LRBA: variants seen among roughly 807,000 people sequenced by gnomAD.
The protein encoded by LRBA is lipopolysaccharide-responsive and beige-like anchor protein.
LRBA carries 176 observed loss-of-function variants against 330.0 expected under a neutral mutation model. The ratio of observed to expected loss-of-function variants is 0.53; its 90% confidence interval spans 0.47 to 0.60. The LOEUF is 0.60. Ranked by LOEUF, LRBA falls within the 20% of genes least tolerant of loss-of-function variation. The pLI is 0.00. For synonymous variants in LRBA, 1,230 were observed against 1,193.0 expected (o/e 1.03, Z -0.64); for missense variants, 3,259 against 3,444.8 (o/e 0.95, Z 1.35).
chr4:150,871,440 C>T lies in LRBA; in HGVS notation c.2272G>A (p.Val758Ile). The stretch of plus-strand genomic sequence containing the variant: ...GAAAACAATCCATGTCCAAGCATGA[C>T]TTCTGCTTTCCTCCTGCAATTACAC... ...KHLAPKRKAEVMLGHGLFSLL... is the reference protein window; with the variant it reads ...KHLAPKRKAEIMLGHGLFSLL... The change falls in exon 19 of 57, where the codon GTC becomes ATC. Residue 758 changes from valine (V) to isoleucine (I), a missense_variant. Transcript: ENST00000651943. 6.2e-7 allele frequency: 1 copy of T among 1,605,570 alleles called. No homozygotes were observed. The highest frequency in any genetic ancestry group is 8.5e-7 in the Non-Finnish European group (1 of 1,172,712).
At chr4:150,995,948 T>C (rs547876985) in intron 2 of LRBA, among the ~76,000 whole-genome samples, 11 of 151,866 alleles carry the variant, frequency 7.2e-5, no homozygotes, top group Admixed American at 5.9e-4. Context: ...TTCTATGAAG[T>C]AGGGAGAGTC....
At position 150,321,438 on chromosome 4, in the gene LRBA, G is replaced by T; in HGVS notation, c.7453-70C>A. Reference sequence around the variant, plus strand: ...AGACAAGAAGGAAAAGATGAAGAAAGACAAGAAAGAGAGGGGGTGCAGGAA... The same window carrying T: ...AGACAAGAAGGAAAAGATGAAGAAATACAAGAAAGAGAGGGGGTGCAGGAA... On this transcript the variant is annotated intron_variant, in intron 49 of 56. Coordinates refer to ENST00000651943, the MANE Select transcript of LRBA (RefSeq NM_001364905.1). The surrounding 1 kb of genome is among the most constrained non-coding windows in gnomAD (Gnocchi z 4.5). 1 of 1,337,990 alleles carries T rather than the reference G, an allele frequency of 7.5e-7. No individual in the cohort carries two copies. Among genetic ancestry groups the T allele is most frequent in the Non-Finnish European group, 1.0e-6 (1 of 993,834 alleles). The allele number at this position is 1,337,990 out of a possible 1,614,324, so 82.9% of individuals were successfully genotyped here.
At chr4:150,577,109 C>A (rs1443751760) in intron 40 of LRBA, among the ~76,000 whole-genome samples, 1 of 151,838 alleles carries the variant, frequency 6.6e-6, no homozygotes, top group Non-Finnish European at 1.5e-5. Context: ...AGCTTAGAAA[C>A]AATCTCCTTA....
intron 40 of LRBA, among the ~76,000 whole-genome samples, chr4:150,495,827 T>C (rs1759522904): frequency 1.3e-5 from 2 of 152,206 alleles, no homozygotes; most frequent in African/African-American, 2.4e-5. Context: ...TCAGTTGCCA[T>C]AGAAACCATA....
intron 34 of LRBA, among the ~76,000 whole-genome samples, chr4:150,763,184 A>G (rs1016846619): frequency 2.0e-5 from 3 of 152,064 alleles, no homozygotes; most frequent in African/African-American, 7.2e-5. Flanking sequence ...TAGAACTAGC[A>G]GAGAAGAAAA....
At chr4:150,758,229 G>T (rs1734578560) in intron 35 of LRBA, among the ~76,000 whole-genome samples, 1 of 152,162 alleles carries the variant, frequency 6.6e-6, no homozygotes, top group African/African-American at 2.4e-5. Context: ...CTTTGGCTTG[G>T]AGAAAGACAT....
At chr4:150,777,972 CAAAAAAAAA>C (rs57988391) in intron 34 of LRBA, among the ~76,000 whole-genome samples, 15 of 65,652 alleles carry the variant, frequency 2.3e-4, no homozygotes, top group African/African-American at 8.2e-4. Context: ...GACTCTGTTT[CAAAAAAAAA>C]AAAAAAAAAA....
At chr4:150,843,178 A>G (rs1749357393) in intron 28 of LRBA, among the ~76,000 whole-genome samples, 1 of 152,166 alleles carries the variant, frequency 6.6e-6, no homozygotes, top group South Asian at 2.1e-4. Context: ...AAGAGCATCC[A>G]GTATCATGTT....
At chr4:150,428,131 T>G (rs1228701915) in intron 46 of LRBA, among the ~76,000 whole-genome samples, 3 of 152,016 alleles carry the variant, frequency 2.0e-5, no homozygotes, top group African/African-American at 7.2e-5. Context: ...TGAGTTCATA[T>G]AATATTACTG....
At chr4:150,658,190 T>C (rs1035299183) in intron 37 of LRBA, among the ~76,000 whole-genome samples, 18 of 47,782 alleles carry the variant, frequency 3.8e-4, no homozygotes, top group Non-Finnish European at 1.6e-3. Flanking sequence ...AGTTTGAAAA[T>C]AGATTCCCCC....
rs559238176 is a variant in LRBA at position 150,762,189 on chromosome 4, A to G, written c.5581-342T>C. 2.0e-5 allele frequency among the ~76,000 whole-genome samples: 3 copies of G among 152,052 alleles called. No homozygotes were observed. The East Asian group carries it at 5.8e-4, about 29-fold the overall frequency. ...ATTTTGGTTTTGGCTTTGTTTTTCC[A>G]TTTATTTTAAGATGTATTACCCAAA... On this transcript the variant is annotated intron_variant, in intron 34 of 56. Transcript: ENST00000651943.
At chr4:150,619,214 A>G (rs1776069145) in intron 37 of LRBA, among the ~76,000 whole-genome samples, 1 of 152,186 alleles carries the variant, frequency 6.6e-6, no homozygotes, top group Admixed American at 6.5e-5. Context: ...AAGGAAAATG[A>G]AAGTATTTGC....
At chr4:150,873,928 T>C (rs1239044063) in intron 17 of LRBA, among the ~76,000 whole-genome samples, 2 of 152,168 alleles carry the variant, frequency 1.3e-5, no homozygotes, top group African/African-American at 4.8e-5. Context: ...CCATATCACA[T>C]TGTAACTGCA....
chr4:150,437,454 T>C (rs893303252), intron 44 of LRBA, among the ~76,000 whole-genome samples: 1 of 150,460 alleles, frequency 6.6e-6, no homozygotes, highest in African/African-American at 2.4e-5. Flanking sequence ...TATATATGTA[T>C]ATACTTTAAC....
chr4:150,602,666 C>G (rs1774239875), intron 37 of LRBA, among the ~76,000 whole-genome samples: 1 of 152,108 alleles, frequency 6.6e-6, no homozygotes, highest in South Asian at 2.1e-4. Context: ...ACTTTCTTCA[C>G]TCTCATTTAA....
At chr4:150,421,652 C>T (rs1039522795) in intron 46 of LRBA, among the ~76,000 whole-genome samples, 3 of 152,032 alleles carry the variant, frequency 2.0e-5, no homozygotes. Context: ...TCTCCATAGC[C>T]CTTGATTCCT....
chr4:150,690,459 C>A (rs368952432), intron 36 of LRBA, among the ~76,000 whole-genome samples: 2 of 148,448 alleles, frequency 1.3e-5, no homozygotes, highest in East Asian at 4.0e-4. Context: ...GCCGAGATCA[C>A]GCCACTGCAC....
intron 40 of LRBA, among the ~76,000 whole-genome samples, chr4:150,497,473 A>G (rs1166244627): frequency 6.6e-6 from 1 of 152,184 alleles, no homozygotes; most frequent in Non-Finnish European, 1.5e-5. Context: ...AACAAAAATG[A>G]AAGTCATACA....
At chr4:150,745,871 T>C (rs1469725997) in intron 35 of LRBA, among the ~76,000 whole-genome samples, 1 of 152,210 alleles carries the variant, frequency 6.6e-6, no homozygotes, top group Non-Finnish European at 1.5e-5. Flanking sequence ...TTTCTATCAC[T>C]TAGTTTTCAA....
Sources: allele counts gnomAD v4.1 joint callset (sites outside exome capture counted in the v4.1 genomes callset), GRCh38; gene constraint gnomAD v4.1.1; non-coding constraint Gnocchi (gnomAD v3.1); transcripts MANE v1.5; gene names NCBI Gene and HGNC (gene_info 2026-07-23, HGNC 2026-07-21).